EYS: variants seen among roughly 807,000 people sequenced by gnomAD.
The protein encoded by EYS is EGF-like photoreceptor maintenance factor.
In EYS, 250 loss-of-function variants were observed where a neutral mutation model predicts 282.1. That is an observed-to-expected ratio of 0.89 (90% CI 0.80 to 0.98). The LOEUF (loss-of-function observed/expected upper bound fraction) is 0.98, where lower values mean the gene tolerates loss of function less well. EYS is among the 50% of genes least tolerant of loss of function. The pLI is 0.00. For synonymous variants in EYS, 1,355 were observed against 1,282.9 expected (o/e 1.06, Z -1.20); for missense variants, 4,016 against 3,709.0 (o/e 1.08, Z -2.15).
intron 1 of EYS, among the ~76,000 whole-genome samples, chr6:65,664,911 C>T (rs923537): frequency 0.35 from 53,629 of 151,794 alleles, 11,946 homozygotes; most frequent in Non-Finnish European, 0.49. Flanking sequence ...GTTCTCATCC[C>T]AGTAGATAAC....
chr6:65,199,738 A>T (rs1007614648), intron 12 of EYS, among the ~76,000 whole-genome samples: 1 of 152,108 alleles, frequency 6.6e-6, no homozygotes, highest in African/African-American at 2.4e-5. Flanking sequence ...GAGAAACAGG[A>T]GTGGTAAGCT....
At chr6:64,032,731 T>A (rs1468609691) in intron 33 of EYS, among the ~76,000 whole-genome samples, 1 of 152,194 alleles carries the variant, frequency 6.6e-6, no homozygotes. Flanking sequence ...AAAACACTTT[T>A]CTTACTAATA....
chr6:64,259,643 C>CAT (rs1223831413), intron 30 of EYS, among the ~76,000 whole-genome samples: 1 of 68,676 alleles, frequency 1.5e-5, no homozygotes, highest in African/African-American at 7.1e-5. Context: ...AGTACTTTTA[C>CAT]ACACGCGCAC....
intron 26 of EYS, among the ~76,000 whole-genome samples, chr6:64,459,716 C>T (rs887169298): frequency 1.3e-5 from 2 of 152,150 alleles, no homozygotes; most frequent in Admixed American, 6.5e-5. Flanking sequence ...ACTGAGCAGT[C>T]TCTTCACTCC....
At chr6:63,908,093 T>C (rs998149436) in intron 35 of EYS, among the ~76,000 whole-genome samples, 2 of 149,632 alleles carry the variant, frequency 1.3e-5, no homozygotes, top group Admixed American at 6.6e-5. Context: ...TCTCTATCAA[T>C]CTATAACATT....
intron 30 of EYS, among the ~76,000 whole-genome samples, chr6:64,259,648 GCGCA>G (rs1767518234): frequency 1.6e-5 from 1 of 63,248 alleles, no homozygotes; most frequent in South Asian, 5.7e-4. Context: ...TTTTACACAC[GCGCA>G]CACACACACA....
chr6:63,733,170 T>C (rs1298988225), intron 41 of EYS, among the ~76,000 whole-genome samples: 1 of 152,072 alleles, frequency 6.6e-6, no homozygotes, highest in Non-Finnish European at 1.5e-5. Context: ...TTTTAATAGA[T>C]AAAGTCAGAG....
At position 64,353,944 on chromosome 6, in the gene EYS, A is replaced by G. The variant is rs534930386; in HGVS notation, c.6078+34746T>C. On this transcript the variant is annotated intron_variant, in intron 29 of 42. Transcript: ENST00000503581. ...ATGGTTTATTAGAAGTAAATTTGTA[A>G]ATACAAAGAACAGCAACTGGCACTG... Among the ~76,000 whole-genome samples, 41 of 151,638 alleles carry G rather than the reference A, an allele frequency of 2.7e-4. 1 individual carries two copies. In the South Asian group the frequency reaches 8.5e-3, roughly 32 times the overall value.
chr6:65,593,092 A>G (rs1765289886), intron 2 of EYS, among the ~76,000 whole-genome samples: 1 of 152,014 alleles, frequency 6.6e-6, no homozygotes, highest in African/African-American at 2.4e-5. Context: ...TTCAATGTAC[A>G]GTCCAGTAAA....
chr6:64,271,088 T>C (rs971634861), intron 30 of EYS, among the ~76,000 whole-genome samples: 14 of 152,212 alleles, frequency 9.2e-5, no homozygotes, highest in African/African-American at 3.4e-4. Flanking sequence ...GTTGTTTCAG[T>C]TTTTAGCAGT....
intron 5 of EYS, among the ~76,000 whole-genome samples, chr6:65,487,949 A>C (rs144465241): frequency 0.017 from 2,574 of 152,008 alleles, 69 homozygotes; most frequent in African/African-American, 0.057. Context: ...TATATTTTCT[A>C]GTTTATTTGC....
At chr6:64,489,366 T>A (rs988462288) in intron 26 of EYS, among the ~76,000 whole-genome samples, 3 of 150,546 alleles carry the variant, frequency 2.0e-5, no homozygotes, top group African/African-American at 7.3e-5. Flanking sequence ...GAGCTTTTCT[T>A]TTTTGTATAC....
intron 31 of EYS, among the ~76,000 whole-genome samples, chr6:64,151,327 A>ATATATATATATATTTATATATATATT: frequency 1.2e-5 from 1 of 86,256 alleles, no homozygotes; most frequent in South Asian, 3.0e-4. Flanking sequence ...TTATATATAT[A>ATATATATATATATTTATATATATATT]TATATATATA....
chr6:65,281,646 G>A (rs188630857), intron 12 of EYS, among the ~76,000 whole-genome samples: 1 of 152,142 alleles, frequency 6.6e-6, no homozygotes, highest in African/African-American at 2.4e-5. Context: ...ACTAAGAAAG[G>A]ATAAAGCCTT....
chr6:64,602,607 T>C (rs1438920895), intron 24 of EYS, among the ~76,000 whole-genome samples: 1 of 152,118 alleles, frequency 6.6e-6, no homozygotes, highest in Non-Finnish European at 1.5e-5. Context: ...CCAAGGTCTA[T>C]CATTAAGAAA....
chr6:64,886,723 T>C lies in EYS; in HGVS notation c.2966A>G (p.Asn989Ser). ...ENCVYRTDGY[N>S]CLCAPGYTGI... ...TGTATAACCAGGGGCACAGAGGCAG[T>C]TGTATCCATCAGTCCTGTAGACACA... The change falls in exon 19 of 43, where the codon AAC becomes AGC. Residue 989 changes from asparagine (N) to serine (S), a missense_variant. Coordinates refer to ENST00000503581, the MANE Select transcript of EYS (RefSeq NM_001142800.2). 6.5e-7 allele frequency: 1 copy of C among 1,546,416 alleles called. No homozygotes were observed. Among genetic ancestry groups the C allele is most frequent in the Non-Finnish European group, 8.7e-7 (1 of 1,144,194 alleles).
chr6:64,720,631 A>G lies in EYS; in HGVS notation c.3443+92747T>C, dbSNP rs562945284. On this transcript the variant is annotated intron_variant, in intron 22 of 42. Coordinates refer to ENST00000503581, the MANE Select transcript of EYS (RefSeq NM_001142800.2). ...TTTGCTTCAGGACATGAGTAGATAG[A>G]ACCTCATTAATGAGACAATAGGCTG... is the stretch of plus-strand genomic sequence containing the variant. Among the ~76,000 whole-genome samples the G allele has an allele frequency of 1.3e-3, 204 of 152,316 alleles. 1 individual carries two copies. Among genetic ancestry groups the G allele is most frequent in the African/African-American group, 4.5e-3 (188 of 41,576 alleles).
intron 8 of EYS, among the ~76,000 whole-genome samples, chr6:65,359,822 C>G (rs1764631258): frequency 1.3e-5 from 2 of 151,970 alleles, no homozygotes; most frequent in South Asian, 4.1e-4. Context: ...AAAGCATTAA[C>G]TCATTCTATT....
chr6:65,264,049 A>C (rs1443167303), intron 12 of EYS, among the ~76,000 whole-genome samples: 2 of 152,164 alleles, frequency 1.3e-5, no homozygotes, highest in African/African-American at 2.4e-5. Flanking sequence ...TAGACATTTA[A>C]ATTTTCTTTC....
Sources: gnomAD v4.1 joint callset for allele counts (sites outside exome capture counted in the v4.1 genomes callset) on GRCh38, gnomAD v4.1.1 for gene constraint, MANE v1.5 for transcripts, NCBI Gene and HGNC (gene_info 2026-07-23, HGNC 2026-07-21) for gene names.